OPCML: variants seen among roughly 807,000 people sequenced by gnomAD.
OPCML encodes opioid binding protein/cell adhesion molecule like, also known as opioid-binding protein/cell adhesion molecule.
OPCML carries 13 observed loss-of-function variants against 37.8 expected under a neutral mutation model. That is an observed-to-expected ratio of 0.34 (90% CI 0.22 to 0.55). OPCML has a LOEUF of 0.55. Among genes scored for constraint, OPCML ranks in the 20% least tolerant of loss-of-function variants. OPCML has a pLI of 0.91. For synonymous variants in OPCML, 176 were observed against 168.8 expected (o/e 1.04, Z -0.33); for missense variants, 341 against 435.6 (o/e 0.78, Z 1.93).
At chr11:132,430,117 C>T (rs916804677) in intron 7 of OPCML, among the ~76,000 whole-genome samples, 11 of 152,248 alleles carry the variant, frequency 7.2e-5, no homozygotes, top group African/African-American at 2.6e-4. Context: ...GCGAATTCTC[C>T]CTCCCAGAGG....
At chr11:132,772,750 AT>A (rs1300185061) in intron 2 of OPCML, 1 of 152,252 alleles carries the variant, frequency 6.6e-6, no homozygotes, top group African/African-American at 2.4e-5. Context: ...CACAGCTTAA[AT>A]AAAAATGTTG....
intron 1 of OPCML, among the ~76,000 whole-genome samples, chr11:133,009,880 G>A (rs1591907605): frequency 6.6e-6 from 1 of 152,150 alleles, no homozygotes; most frequent in Non-Finnish European, 1.5e-5. Context: ...ACAGCCCAGA[G>A]GTTGGGGACC....
intron 1 of OPCML, among the ~76,000 whole-genome samples, chr11:133,370,487 A>AG (rs1265412947): frequency 6.6e-6 from 1 of 151,670 alleles, no homozygotes; most frequent in African/African-American, 2.4e-5. Flanking sequence ...TCAAACAGAA[A>AG]AAAAAAAAAA....
At chr11:133,026,277 A>T (rs1379855209) in intron 1 of OPCML, 2 of 776,408 alleles carry the variant, frequency 2.6e-6, no homozygotes, top group Non-Finnish European at 3.1e-6. Context: ...CATGTAAAAA[A>T]TGGTCAAAAT....
intron 2 of OPCML, among the ~76,000 whole-genome samples, chr11:132,700,242 A>T (rs1323446451): frequency 6.6e-6 from 1 of 151,966 alleles, no homozygotes; most frequent in African/African-American, 2.4e-5. Flanking sequence ...TGTCCTTTTA[A>T]AAAACAACTC....
intron 1 of OPCML, among the ~76,000 whole-genome samples, chr11:133,033,604 T>C (rs1264453814): frequency 6.6e-6 from 1 of 152,250 alleles, no homozygotes; most frequent in Non-Finnish European, 1.5e-5. Flanking sequence ...TGTTGGTCTT[T>C]ATATAATAGC....
chr11:132,789,206 A>C lies in OPCML; in HGVS notation c.147-131887T>G, dbSNP rs145683435. 2.3e-3 allele frequency among the ~76,000 whole-genome samples: 352 copies of C among 152,272 alleles called. 2 individuals are homozygous for C. The highest frequency in any genetic ancestry group is 8.1e-3 in the African/African-American group (335 of 41,556). On this transcript the variant is annotated intron_variant, in intron 2 of 7. Transcript: ENST00000524381. ...GTTGACTTCTCTGATAACACCCCAC[A>C]TAATGTCTGTGTATGTATTTTGTGC...
intron 1 of OPCML, among the ~76,000 whole-genome samples, chr11:133,213,685 C>G (rs1939467751): frequency 6.6e-6 from 1 of 152,150 alleles, no homozygotes; most frequent in Admixed American, 6.5e-5. Flanking sequence ...GTTGCTGATA[C>G]AAATGGTGTT....
Position 132,420,103 on chromosome 11 carries a change from A to G in OPCML, c.*90T>C. The G allele has an allele frequency of 9.8e-7, 1 of 1,022,568 alleles. No individual in the cohort carries two copies. Among genetic ancestry groups the G allele is most frequent in the Non-Finnish European group, 1.4e-6 (1 of 697,282 alleles). 63.3% of individuals were successfully genotyped at this position (1,022,568 alleles called of 1,614,324 possible). A position where few individuals can be genotyped will look rare whatever the true frequency, so the allele number is the denominator to read the frequency against. ...TCTAGAATAACAGAAAAAAACAAAA[A>G]GAAGCCCAAGCTGGTTTGCTCTCCG... On this transcript the variant is annotated 3_prime_UTR_variant, in exon 8 of 8. Transcript: ENST00000524381.
At chr11:132,785,056 C>G (rs1022836924) in intron 2 of OPCML, among the ~76,000 whole-genome samples, 1 of 152,204 alleles carries the variant, frequency 6.6e-6, no homozygotes, top group Non-Finnish European at 1.5e-5. Flanking sequence ...AGGTTACACA[C>G]TATTTTGACA....
At chr11:133,460,965 G>C (rs1946845034) in intron 1 of OPCML, among the ~76,000 whole-genome samples, 1 of 151,766 alleles carries the variant, frequency 6.6e-6, no homozygotes, top group Non-Finnish European at 1.5e-5. Context: ...CACAATTCAT[G>C]GAATGAAGGA....
At chr11:132,883,775 T>A (rs1160549870) in intron 2 of OPCML, among the ~76,000 whole-genome samples, 1 of 152,182 alleles carries the variant, frequency 6.6e-6, no homozygotes. Context: ...AAAATAAAAA[T>A]TATTCTTCTA....
At chr11:132,450,022 G>A (rs1056887648) in intron 4 of OPCML, among the ~76,000 whole-genome samples, 6 of 152,166 alleles carry the variant, frequency 3.9e-5, no homozygotes, top group Non-Finnish European at 7.3e-5. Context: ...GCTGGCTCTG[G>A]TTCTGGGAGA....
At chr11:132,728,923 G>C (rs1406698826) in intron 2 of OPCML, among the ~76,000 whole-genome samples, 1 of 151,976 alleles carries the variant, frequency 6.6e-6, no homozygotes, top group Non-Finnish European at 1.5e-5. Flanking sequence ...CCCCAATGCT[G>C]GGCCCCAGTG....
At chr11:132,944,186 G>A (rs981484305) in intron 1 of OPCML, among the ~76,000 whole-genome samples, 5 of 152,188 alleles carry the variant, frequency 3.3e-5, no homozygotes, top group Non-Finnish European at 7.4e-5. Flanking sequence ...CCTACAGAGG[G>A]GCGGGGTGGG....
intron 2 of OPCML, among the ~76,000 whole-genome samples, chr11:132,865,470 C>T (rs569306476): frequency 2.9e-4 from 44 of 152,296 alleles, no homozygotes; most frequent in Admixed American, 1.6e-3. Context: ...AGAGGAAACA[C>T]GGCTCCTGGC....
chr11:133,025,075 T>C (rs1947526277), intron 1 of OPCML: 2 of 868,016 alleles, frequency 2.3e-6, no homozygotes, highest in Non-Finnish European at 2.8e-6. Flanking sequence ...GGAGTATATG[T>C]ATAGATAAGC....
chr11:133,490,848 T>C (rs146749897), intron 1 of OPCML, among the ~76,000 whole-genome samples: 75 of 152,300 alleles, frequency 4.9e-4, no homozygotes, highest in Non-Finnish European at 9.3e-4. Flanking sequence ...GTCATCTTCC[T>C]TCACCCTAGG....
chr11:132,531,113 G>T, intron 3 of OPCML, among the ~76,000 whole-genome samples: 1 of 152,210 alleles, frequency 6.6e-6, no homozygotes, highest in African/African-American at 2.4e-5. Flanking sequence ...GAGGGCAAGT[G>T]TGGAATCACA....
Sources: allele counts gnomAD v4.1 joint callset (sites outside exome capture counted in the v4.1 genomes callset), GRCh38; gene constraint gnomAD v4.1.1; transcripts MANE v1.5; gene names NCBI Gene and HGNC (gene_info 2026-07-23, HGNC 2026-07-21).